NOL4L: variants seen among roughly 807,000 people sequenced by gnomAD.
NOL4L encodes nucleolar protein 4 like.
In NOL4L, 7 loss-of-function variants were observed where a neutral mutation model predicts 64.5. That is an observed-to-expected ratio of 0.11 (90% confidence interval 0.06 to 0.20). The LOEUF (loss-of-function observed/expected upper bound fraction) is 0.20. NOL4L is among the 10% of genes least tolerant of loss of function. NOL4L has a pLI of 1.00. For missense variants in NOL4L, 680 were observed against 967.1 expected (o/e 0.70, Z 3.94); for synonymous variants, 413 against 401.0 (o/e 1.03, Z -0.36).
chr20:32,570,178 G>A (rs1185322326), intron 1 of NOL4L, among the ~76,000 whole-genome samples: 3 of 152,034 alleles, frequency 2.0e-5, no homozygotes, highest in East Asian at 1.9e-4. Context: ...GCCAGGATTC[G>A]AACCCAGGGC....
chr20:32,486,209 T>C (rs919108629), intron 4 of NOL4L, among the ~76,000 whole-genome samples: 6 of 152,216 alleles, frequency 3.9e-5, no homozygotes, highest in Admixed American at 1.3e-4. Context: ...AGTAACCTTG[T>C]ATAGGTTGTT....
intron 4 of NOL4L, among the ~76,000 whole-genome samples, chr20:32,495,851 G>A (rs1452737589): frequency 6.6e-6 from 1 of 152,054 alleles, no homozygotes; most frequent in Non-Finnish European, 1.5e-5. Flanking sequence ...CAGCTACTCA[G>A]GAGGCTGAGG....
chr20:32,519,212 A>G (rs1177653266), intron 3 of NOL4L, among the ~76,000 whole-genome samples: 1 of 152,170 alleles, frequency 6.6e-6, no homozygotes, highest in Non-Finnish European at 1.5e-5. Flanking sequence ...CATGTGCCCA[A>G]TGAAACAGCC....
intron 1 of NOL4L, among the ~76,000 whole-genome samples, chr20:32,562,941 T>A (rs1050704157): frequency 5.6e-4 from 1 of 1,774 alleles, no homozygotes; most frequent in Non-Finnish European, 9.9e-4. Flanking sequence ...AGAAGGAGGG[T>A]GGAGGGGAGG....
At chr20:32,498,037 G>A (rs541916680) in intron 4 of NOL4L, among the ~76,000 whole-genome samples, 1 of 152,322 alleles carries the variant, frequency 6.6e-6, no homozygotes, top group African/African-American at 2.4e-5. Context: ...AGGCCACCTT[G>A]GCATTCTCGC....
At chr20:32,532,320 G>A (rs1568693941) in intron 1 of NOL4L, 1 of 983,826 alleles carries the variant, frequency 1.0e-6, no homozygotes, top group Non-Finnish European at 1.2e-6. Flanking sequence ...GCCATACCTT[G>A]AACTGTCCTC....
chr20:32,577,700 C>G (rs1442638037), intron 1 of NOL4L, among the ~76,000 whole-genome samples: 2 of 152,182 alleles, frequency 1.3e-5, no homozygotes, highest in Non-Finnish European at 2.9e-5. Context: ...AAAGAAAAAG[C>G]CTTCTCTGTT....
chr20:32,541,049 T>A (rs1038050316), intron 1 of NOL4L, among the ~76,000 whole-genome samples: 3 of 63,042 alleles, frequency 4.8e-5, no homozygotes, highest in African/African-American at 1.6e-4. Context: ...ACACACACAC[T>A]ATTCCCTCTG....
At chr20:32,583,434 C>A (rs1980628900) in intron 1 of NOL4L, among the ~76,000 whole-genome samples, 1 of 147,880 alleles carries the variant, frequency 6.8e-6, no homozygotes, top group Non-Finnish European at 1.5e-5. Context: ...GGCGGGCGGG[C>A]CGGCCGGGGG....
rs1371985354 is a variant in NOL4L, at chr20:32,453,990, C to G, written c.1120-229G>C. The G allele has an allele frequency of 1.8e-6, 1 of 568,122 alleles. No homozygotes were observed. The highest frequency in any genetic ancestry group is 3.2e-6 in the Non-Finnish European group (1 of 315,956). The allele number at this position is 568,122 out of a possible 1,614,324, so 35.2% of individuals were successfully genotyped here. A position where few individuals can be genotyped will look rare whatever the true frequency, so the allele number is the denominator to read the frequency against. On this transcript the variant is annotated intron_variant, in intron 6 of 10. Coordinates refer to ENST00000621426, the MANE Select transcript of NOL4L (RefSeq NM_001256798.2). This position sits in a 1 kb window ranked among gnomAD's most constrained non-coding sequence, Gnocchi z 5.6. ...CTCCCTGGGCTGCCGCAGGGAGGAC[C>G]GACTGCAATAGTGTATGCAGAGACC... is the stretch of plus-strand genomic sequence containing the variant.
chr20:32,520,833 G>A lies in NOL4L; in HGVS notation c.567C>T (p.Asn189=), dbSNP rs1459983817. 6 of 1,550,334 alleles carry A rather than the reference G, an allele frequency of 3.9e-6. No homozygotes were observed. Among genetic ancestry groups the A allele is most frequent in the African/African-American group, 1.4e-5 (1 of 72,994 alleles). Residue 189 remains asparagine, a synonymous_variant, in exon 3 of 11, where the codon AAC becomes AAT. Transcript: ENST00000621426. The part of the protein sequence containing the change: ...CTECQKRMHF[N]SNGLEPKENE... The stretch of plus-strand genomic sequence containing the variant: ...TACCTTTGGGTTCCAGGCCATTGGA[G>A]TTAAAGTGCATCCTCTTCTGACACT...
intron 4 of NOL4L, among the ~76,000 whole-genome samples, chr20:32,488,858 T>TC (rs1491236907): frequency 2.0e-5 from 2 of 101,802 alleles, no homozygotes; most frequent in Non-Finnish European, 3.5e-5. Context: ...TTTCTTTCTT[T>TC]CTTTCTTTCT....
chr20:32,529,725 C>A (rs1201552759), intron 1 of NOL4L, among the ~76,000 whole-genome samples: 2 of 152,278 alleles, frequency 1.3e-5, no homozygotes, highest in East Asian at 3.9e-4. Flanking sequence ...ACCTCACTGG[C>A]CCCAACAAGG....
At chr20:32,513,795 G>A (rs1436034770) in intron 3 of NOL4L, among the ~76,000 whole-genome samples, 4 of 152,084 alleles carry the variant, frequency 2.6e-5, no homozygotes, top group South Asian at 4.1e-4. Context: ...AGCCCAGGAC[G>A]TTGAGGCAGC....
chr20:32,485,069 A>AC (rs2016007738), intron 4 of NOL4L, among the ~76,000 whole-genome samples: 2 of 144,690 alleles, frequency 1.4e-5, no homozygotes, highest in African/African-American at 5.1e-5. Flanking sequence ...AAAAAAAAAA[A>AC]AAAAAAAAAA....
chr20:32,452,893 C>T lies in NOL4L; in HGVS notation c.1611G>A (p.Gln537=), dbSNP rs1483760341. The T allele has an allele frequency of 6.2e-7, 1 of 1,613,910 alleles. No individual in the cohort carries two copies. Among genetic ancestry groups the T allele is most frequent in the Non-Finnish European group, 8.5e-7 (1 of 1,180,020 alleles). The stretch of plus-strand genomic sequence containing the variant: ...CTGCGGTGGCAGGTACCTGTGAGGA[C>T]TGGTAGATCTCTAGACGCATCCGCT... ...AAKRMRLEIY[Q]SSQDEPIALD... Residue 537 remains glutamine (Q), a synonymous_variant, in exon 9 of 11, where the codon CAG becomes CAA. Transcript: ENST00000621426.
At chr20:32,540,344 G>A (rs1380283592) in intron 1 of NOL4L, among the ~76,000 whole-genome samples, 1 of 152,224 alleles carries the variant, frequency 6.6e-6, no homozygotes, top group African/African-American at 2.4e-5. Context: ...GAGACAATGT[G>A]TGACTGTCAC....
intron 4 of NOL4L, among the ~76,000 whole-genome samples, chr20:32,494,958 C>T (rs986677939): frequency 6.8e-6 from 1 of 147,934 alleles, no homozygotes; most frequent in Non-Finnish European, 1.5e-5. Context: ...CTCCTGTCCG[C>T]GGGTGGACTA....
intron 1 of NOL4L, among the ~76,000 whole-genome samples, chr20:32,534,125 T>G (rs576049349): frequency 2.0e-5 from 3 of 152,268 alleles, no homozygotes; most frequent in Admixed American, 6.5e-5. Flanking sequence ...ACTATATTAG[T>G]AGAGTGTGCC....
Sources: allele counts gnomAD v4.1 joint callset (sites outside exome capture counted in the v4.1 genomes callset), GRCh38; gene constraint gnomAD v4.1.1; non-coding constraint Gnocchi (gnomAD v3.1); transcripts MANE v1.5; gene names NCBI Gene and HGNC (gene_info 2026-07-23, HGNC 2026-07-21).